Variants in LGR6 observed in about 807,000 individuals in gnomAD.
The protein encoded by LGR6 is leucine rich repeat containing G protein-coupled receptor 6.
In LGR6, 45 loss-of-function variants were observed where a neutral mutation model predicts 69.4. The ratio of observed to expected loss-of-function variants is 0.65; its 90% confidence interval spans 0.51 to 0.83. The LOEUF is 0.83. Among genes scored for constraint, LGR6 ranks in the 40% least tolerant of loss-of-function variants. LGR6 has a pLI of 0.00. For missense variants in LGR6, 1,108 were observed against 1,246.7 expected, an observed-to-expected ratio of 0.89 and a Z score of 1.68; for synonymous variants, 538 against 555.0, an observed-to-expected ratio of 0.97 and a Z score of 0.43.
At chr1:202,299,701 G>A (rs1667437625) in intron 7 of LGR6, among the ~76,000 whole-genome samples, 2 of 152,144 alleles carry the variant, frequency 1.3e-5, no homozygotes, top group East Asian at 1.9e-4. Context: ...ACTGGCTGGA[G>A]GTGTCTGAGC....
chr1:202,304,666 G>T, intron 11 of LGR6, 36 bp downstream of exon 11: 1 of 1,543,448 alleles, frequency 6.5e-7, no homozygotes, highest in South Asian at 1.1e-5. Flanking sequence ...TCTTGGCATT[G>T]TGCCCCTACC....
intron 4 of LGR6, among the ~76,000 whole-genome samples, chr1:202,259,982 A>G (rs1367026593): frequency 2.0e-5 from 3 of 152,236 alleles, no homozygotes; most frequent in South Asian, 2.1e-4. Context: ...GGCAAAAACA[A>G]CTGCTACTCC....
intron 4 of LGR6, among the ~76,000 whole-genome samples, chr1:202,272,748 A>G (rs1276691317): frequency 6.6e-6 from 1 of 152,250 alleles, no homozygotes; most frequent in Non-Finnish European, 1.5e-5. Context: ...GTGAGCGTGC[A>G]CATGCATGTG....
chr1:202,203,510 T>C (rs574814251), intron 1 of LGR6, among the ~76,000 whole-genome samples: 1 of 152,322 alleles, frequency 6.6e-6, no homozygotes, highest in South Asian at 2.1e-4. Flanking sequence ...ATAGTGCCAC[T>C]TGAACTCCCA....
At chr1:202,199,321 C>T (rs1019244562) in intron 1 of LGR6, among the ~76,000 whole-genome samples, 7 of 152,234 alleles carry the variant, frequency 4.6e-5, no homozygotes, top group Admixed American at 4.6e-4. Flanking sequence ...TCTCCTGTGC[C>T]AGCCTTGCTC....
At chr1:202,213,959 A>T in intron 1 of LGR6, 1 of 767,894 alleles carries the variant, frequency 1.3e-6, no homozygotes, top group Non-Finnish European at 1.6e-6. Context: ...CAGGTATTTT[A>T]GATCCAGATC....
intron 1 of LGR6, among the ~76,000 whole-genome samples, chr1:202,198,270 C>G (rs1658712140): frequency 6.6e-6 from 1 of 152,202 alleles, no homozygotes; most frequent in Non-Finnish European, 1.5e-5. Flanking sequence ...AAGCAGAGTT[C>G]AAGCTATCAC....
At chr1:202,227,843 C>T in intron 2 of LGR6, 93 bp from the exon 3 acceptor site, 1 of 835,246 alleles carries the variant, frequency 1.2e-6, no homozygotes, top group Non-Finnish European at 2.1e-6. Flanking sequence ...TACCACCGCC[C>T]TCCCTTCCCG....
chr1:202,301,322 C>A, intron 9 of LGR6, 87 bp downstream of exon 9: 1 of 1,157,978 alleles, frequency 8.6e-7, no homozygotes, highest in Non-Finnish European at 1.3e-6. Context: ...GCCTGCGGAT[C>A]TCTCCCTTGC....
In LGR6 at chr1:202,276,541, C is replaced by T; in HGVS notation, c.644+20C>T. On this transcript the variant is annotated intron_variant, in intron 5 of 17. Transcript: ENST00000367278. ...GGTGCTGTGAGTGCTGCTCTGTTCC[C>T]CATCCCCAGTGGGGTCCTGCTGGGG... is the stretch of plus-strand genomic sequence containing the variant. 1 of 1,595,576 alleles carries T rather than the reference C, an allele frequency of 6.3e-7. No homozygotes were observed. The highest frequency in any genetic ancestry group is 8.6e-7 in the Non-Finnish European group (1 of 1,166,512).
chr1:202,204,388 CCA>C (rs1329437871), intron 1 of LGR6, among the ~76,000 whole-genome samples: 7 of 122,100 alleles, frequency 5.7e-5, no homozygotes, highest in Non-Finnish European at 1.0e-4. Flanking sequence ...ACACACACCT[CCA>C]CACACACACC....
chr1:202,314,732 A>G, intron 16 of LGR6, 70 bp from the exon 17 acceptor site: 4 of 1,081,938 alleles, frequency 3.7e-6, no homozygotes, highest in Non-Finnish European at 5.8e-6. Context: ...AGGAGGGGGC[A>G]TTTGGAGAAA....
rs926359672 is a variant in LGR6 at position 202,268,268 on chromosome 1, G to C, written c.429-8038G>C. The stretch of plus-strand genomic sequence containing the variant: ...CTGGCGGCTGGTGCTGGTGTGGGAG[G>C]CTGGGCCCTGCCGCCTATGGAAGGC... On this transcript the variant is annotated intron_variant, in intron 4 of 17. Transcript: ENST00000367278. The surrounding 1 kb of genome is among the most constrained non-coding windows in gnomAD (Gnocchi z 4.4). 2.0e-5 allele frequency among the ~76,000 whole-genome samples: 3 copies of C among 152,154 alleles called. No homozygotes were observed. The highest frequency in any genetic ancestry group is 4.4e-5 in the Non-Finnish European group (3 of 68,016).
chr1:202,236,032 C>T, intron 4 of LGR6, 39 bp downstream of exon 4: 1 of 1,570,006 alleles, frequency 6.4e-7, no homozygotes, highest in Non-Finnish European at 8.8e-7. Flanking sequence ...TCACCAGCTT[C>T]CTGGGGCCTG....
At chr1:202,211,561 A>G (rs1659464126) in intron 1 of LGR6, among the ~76,000 whole-genome samples, 1 of 152,154 alleles carries the variant, frequency 6.6e-6, no homozygotes, top group Admixed American at 6.5e-5. Flanking sequence ...GGGTTTCACC[A>G]TGTTGGCCAG....
At chr1:202,274,746 G>C (rs901776518) in intron 4 of LGR6, among the ~76,000 whole-genome samples, 5 of 152,238 alleles carry the variant, frequency 3.3e-5, no homozygotes, top group Non-Finnish European at 7.3e-5. Context: ...TTCAGCCACA[G>C]ACCATCAAGG....
chr1:202,314,067 G>A (rs1283468798), intron 16 of LGR6, among the ~76,000 whole-genome samples: 1 of 152,170 alleles, frequency 6.6e-6, no homozygotes, highest in Non-Finnish European at 1.5e-5. Flanking sequence ...TTCCTTTGCT[G>A]GACAGCTCTA....
rs1309823780 is a variant in LGR6 at position 202,194,212 on chromosome 1, C to T, written c.212+11C>T. On this transcript the variant is annotated intron_variant, in intron 1 of 17. Coordinates refer to ENST00000367278, the MANE Select transcript of LGR6 (RefSeq NM_001017403.2). ...CCTGACGGCTTACCTGTGAGTACTG[C>T]CCGCCTGTCCCCGCCTGGTCCTGCG... 2.6e-6 allele frequency: 4 copies of T among 1,518,988 alleles called. No homozygotes were observed. Among genetic ancestry groups the T allele is most frequent in the Non-Finnish European group, 2.6e-6 (3 of 1,135,898 alleles). 94.1% of individuals were successfully genotyped at this position (1,518,988 alleles called of 1,614,324 possible).
intron 1 of LGR6, among the ~76,000 whole-genome samples, chr1:202,222,815 T>C (rs986695171): frequency 6.6e-6 from 1 of 152,096 alleles, no homozygotes; most frequent in Admixed American, 6.5e-5. Context: ...TTAAAATCCA[T>C]CCACAGGCTG....
Sources: allele counts gnomAD v4.1 joint callset (sites outside exome capture counted in the v4.1 genomes callset), GRCh38; gene constraint gnomAD v4.1.1; non-coding constraint Gnocchi (gnomAD v3.1); transcripts MANE v1.5; gene names NCBI Gene and HGNC (gene_info 2026-07-23, HGNC 2026-07-21).